The following FAM163B variants were observed in gnomAD, a reference collection of about 807,000 sequenced individuals.
FAM163B encodes the protein family with sequence similarity 163 member B, also known as protein FAM163B.
Under a neutral mutation model 7.6 loss-of-function variants are expected in FAM163B, and 4 were observed. That is an observed-to-expected ratio of 0.52 (90% CI 0.26 to 1.20). FAM163B has a LOEUF of 1.20. FAM163B is among the 50% of genes most tolerant of loss of function. The pLI is 0.14. For missense variants in FAM163B, 250 were observed against 243.0 expected (o/e 1.03, Z -0.19); for synonymous variants, 120 against 111.6 (o/e 1.07, Z -0.47).
rs544876244 is a variant in FAM163B, at chr9:133,592,181, A to G, written c.-23-11935T>C. 2.6e-5 allele frequency among the ~76,000 whole-genome samples: 4 copies of G among 152,274 alleles called. No homozygotes were observed. In the South Asian group the frequency reaches 8.3e-4, roughly 32 times the overall value. On this transcript the variant is annotated intron_variant, in intron 1 of 2. Coordinates refer to ENST00000673969, the MANE Select transcript of FAM163B (RefSeq NM_001080515.3). ...AGGCCTGGTAAACAGTGGGTGCTCCATAAATGCCTGTGGGCCGAGTCACTG... is the reference window on the plus strand; with the variant it reads ...AGGCCTGGTAAACAGTGGGTGCTCCGTAAATGCCTGTGGGCCGAGTCACTG...
chr9:133,588,656 T>A, intron 1 of FAM163B, among the ~76,000 whole-genome samples: 1 of 70,260 alleles, frequency 1.4e-5, no homozygotes, highest in Non-Finnish European at 3.1e-5. Flanking sequence ...TTGAAGGATC[T>A]AGCATGCTGA....
At chr9:133,586,940 T>C (rs1201762849) in intron 1 of FAM163B, among the ~76,000 whole-genome samples, 1 of 152,108 alleles carries the variant, frequency 6.6e-6, no homozygotes, top group Non-Finnish European at 1.5e-5. Context: ...TGGCGTGAAC[T>C]GAGGTAAGAG....
At chr9:133,586,324 G>A (rs1831437750) in intron 1 of FAM163B, 1 of 152,348 alleles carries the variant, frequency 6.6e-6, no homozygotes, top group Non-Finnish European at 1.5e-5. Context: ...CACGGGTTCT[G>A]AGGGGCTTGC....
intron 1 of FAM163B, among the ~76,000 whole-genome samples, chr9:133,602,707 T>C (rs1034431072): frequency 6.6e-6 from 1 of 152,194 alleles, no homozygotes; most frequent in African/African-American, 2.4e-5. Flanking sequence ...ATTTTGTAAA[T>C]GGGTTCACAC....
rs1254740142 is a variant in FAM163B at position 133,600,701 on chromosome 9, C to A, written c.-24+8376G>T. Among the ~76,000 whole-genome samples, 8 of 125,872 alleles carry A rather than the reference C, an allele frequency of 6.4e-5. No individual in the cohort carries two copies. The East Asian group carries it at 1.7e-3, about 27-fold the overall frequency. The allele number at this position is 125,872 out of a possible 152,430, so 82.6% of individuals were successfully genotyped here. On this transcript the variant is annotated intron_variant, in intron 1 of 2. Transcript: ENST00000673969. This position sits in a 1 kb window ranked among gnomAD's most constrained non-coding sequence, Gnocchi z 4.9. The stretch of plus-strand genomic sequence containing the variant: ...TCCTGGAGTCGCAGGCTCCCAGAAT[C>A]TTAAAGCCACATTTTAGAGTCTTAA...
At position 133,578,203 on chromosome 9, in the gene FAM163B, C is replaced by T. The variant is rs1048397437; in HGVS notation, c.*819G>A. On this transcript the variant is annotated 3_prime_UTR_variant, in exon 3 of 3. Transcript: ENST00000673969. ...CCCCTGACGAGCCCCGGGCTGCCTCCGTTCACTGCCGCTTGCTGGCCCTGT... is the reference window on the plus strand; with the variant it reads ...CCCCTGACGAGCCCCGGGCTGCCTCTGTTCACTGCCGCTTGCTGGCCCTGT... Among the ~76,000 whole-genome samples, 61 of 152,306 alleles carry T rather than the reference C, an allele frequency of 4.0e-4. No homozygotes were observed. Among genetic ancestry groups the T allele is most frequent in the Admixed American group, 9.8e-4 (15 of 15,302 alleles).
At chr9:133,596,236 G>T (rs575698750) in intron 1 of FAM163B, among the ~76,000 whole-genome samples, 1 of 56,650 alleles carries the variant, frequency 1.8e-5, no homozygotes, top group African/African-American at 1.8e-4. Context: ...CTTCTGGCCC[G>T]GGCGGCTGTG....
rs527673922 is a variant in FAM163B, at chr9:133,609,349, A to T, written c.-296T>A. Reference sequence around the variant, plus strand: ...CCCCGGCTGGCTCCCTGCGAGCTGCACGCGCGGCTCCAGCCTGGTCCCGAG... The same window carrying T: ...CCCCGGCTGGCTCCCTGCGAGCTGCTCGCGCGGCTCCAGCCTGGTCCCGAG... On this transcript the variant is annotated 5_prime_UTR_variant, in exon 1 of 3. Coordinates refer to ENST00000673969, the MANE Select transcript of FAM163B (RefSeq NM_001080515.3). Among the ~76,000 whole-genome samples, 32 of 149,602 alleles carry T rather than the reference A, an allele frequency of 2.1e-4. No homozygotes were observed. In the South Asian group the frequency reaches 4.6e-3, roughly 21 times the overall value.
At chr9:133,595,917 A>G (rs758219506) in intron 1 of FAM163B, among the ~76,000 whole-genome samples, 21 of 152,112 alleles carry the variant, frequency 1.4e-4, no homozygotes, top group Non-Finnish European at 3.1e-4. Flanking sequence ...CATGGTGGGC[A>G]CCTGGTGACT....
intron 1 of FAM163B, among the ~76,000 whole-genome samples, chr9:133,589,312 CCTT>C (rs1453938044): frequency 2.0e-5 from 3 of 152,196 alleles, no homozygotes; most frequent in Non-Finnish European, 4.4e-5. Context: ...ACCAATGTCT[CCTT>C]CAATTGCCGG....
rs3074995 is a variant in FAM163B, at chr9:133,600,054, TGA to T, written c.-24+9021_-24+9022del. Among the ~76,000 whole-genome samples the T allele has an allele frequency of 0.071, 10,642 of 149,218 alleles. 521 individuals are homozygous for T. Among genetic ancestry groups the T allele is most frequent in the Admixed American group, 0.15 (2,304 of 15,090 alleles). ...TATGTGTGGTCTGTGTGGATGTGTGTGAGTTTGTGTGTGCATGTGTGTGTGTC... is the reference window on the plus strand; with the variant it reads ...TATGTGTGGTCTGTGTGGATGTGTGTGTTTGTGTGTGCATGTGTGTGTGTC... On this transcript the variant is annotated intron_variant, in intron 1 of 2. Coordinates refer to ENST00000673969, the MANE Select transcript of FAM163B (RefSeq NM_001080515.3). The surrounding 1 kb of genome is among the most constrained non-coding windows in gnomAD (Gnocchi z 4.9).
In FAM163B at chr9:133,577,571, G is replaced by T. The variant is rs1831272131; in HGVS notation, c.*1451C>A. The stretch of plus-strand genomic sequence containing the variant: ...CAAGCCACCCCTCCGCTCAGGGAAG[G>T]TCACTGCCCGGCCAAGCCTTGTCTT... On this transcript the variant is annotated 3_prime_UTR_variant, in exon 3 of 3. Coordinates refer to ENST00000673969, the MANE Select transcript of FAM163B (RefSeq NM_001080515.3). 1.3e-5 allele frequency among the ~76,000 whole-genome samples: 2 copies of T among 152,254 alleles called. No individual in the cohort carries two copies. Among genetic ancestry groups the T allele is most frequent in the African/African-American group, 4.8e-5 (2 of 41,470 alleles).
chr9:133,598,394 A>G (rs1329537315), intron 1 of FAM163B, among the ~76,000 whole-genome samples: 1 of 151,998 alleles, frequency 6.6e-6, no homozygotes, highest in Non-Finnish European at 1.5e-5. Flanking sequence ...GTGTGAAACA[A>G]AAGAGAAGTG....
chr9:133,580,261 G>A lies in FAM163B; in HGVS notation c.-23-15C>T, dbSNP rs1038840626. 467 of 1,556,604 alleles carry A rather than the reference G, an allele frequency of 3.0e-4. 4 individuals carry two copies. The highest frequency in any genetic ancestry group is 5.0e-4 in the Middle Eastern group (3 of 5,980). On this transcript the variant is annotated splice_polypyrimidine_tract_variant and intron_variant, in intron 1 of 2. Transcript: ENST00000673969. Reference sequence around the variant, plus strand: ...CCATCAACAGCCTGCAACACACGCCGCCAGCTTTAGAGCATCACGCTTCCT... The same window carrying A: ...CCATCAACAGCCTGCAACACACGCCACCAGCTTTAGAGCATCACGCTTCCT...
rs2131259035 is a variant in FAM163B at position 133,600,059 on chromosome 9, TTGTGTGTGCATG to T, written c.-24+9006_-24+9017del. 8.2e-6 allele frequency among the ~76,000 whole-genome samples: 1 copy of T among 121,400 alleles called. No individual in the cohort carries two copies. Among genetic ancestry groups the T allele is most frequent in the East Asian group, 2.6e-4 (1 of 3,896 alleles). The allele number at this position is 121,400 out of a possible 152,430, so 79.6% of individuals were successfully genotyped here. On this transcript the variant is annotated intron_variant, in intron 1 of 2. Transcript: ENST00000673969. The surrounding 1 kb of genome is among the most constrained non-coding windows in gnomAD (Gnocchi z 4.9). ...GTGGTCTGTGTGGATGTGTGTGAGTTTGTGTGTGCATGTGTGTGTGTCTGTGTGCATGTGTGC... is the reference window on the plus strand; with the variant it reads ...GTGGTCTGTGTGGATGTGTGTGAGTTTGTGTGTGTCTGTGTGCATGTGTGC...
intron 1 of FAM163B, among the ~76,000 whole-genome samples, chr9:133,595,905 C>A (rs1831625216): frequency 6.6e-6 from 1 of 152,186 alleles, no homozygotes; most frequent in African/African-American, 2.4e-5. Context: ...GTGTCCTGGG[C>A]CCATGGTGGG....
intron 1 of FAM163B, among the ~76,000 whole-genome samples, chr9:133,604,759 A>ATGCTGCTGC (rs57205982): frequency 6.6e-6 from 1 of 151,556 alleles, no homozygotes; most frequent in Non-Finnish European, 1.5e-5. Context: ...GTTCCTAGGG[A>ATGCTGCTGC]TGCTGCTGCT....
At chr9:133,583,563 C>T (rs1588322753) in intron 1 of FAM163B, among the ~76,000 whole-genome samples, 1 of 152,214 alleles carries the variant, frequency 6.6e-6, no homozygotes, top group African/African-American at 2.4e-5. Context: ...ATGTTAGGAC[C>T]GTGTCCCTCC....
intron 1 of FAM163B, 54 bp from the exon 2 acceptor site, chr9:133,580,300 A>G: frequency 7.5e-7 from 1 of 1,339,668 alleles, no homozygotes; most frequent in East Asian, 2.4e-5. Flanking sequence ...CACAAAAGTC[A>G]CTCGTGCTAT....
Sources: allele counts gnomAD v4.1 joint callset (sites outside exome capture counted in the v4.1 genomes callset), GRCh38; gene constraint gnomAD v4.1.1; non-coding constraint Gnocchi (gnomAD v3.1); transcripts MANE v1.5; gene names NCBI Gene and HGNC (gene_info 2026-07-23, HGNC 2026-07-21).